Variants in GLI3 observed in about 807,000 individuals in gnomAD.
The protein encoded by GLI3 is transcription activator GLI3.
GLI3 carries 20 observed loss-of-function variants against 100.8 expected under a neutral mutation model. That is an observed-to-expected ratio of 0.20 (90% confidence interval 0.14 to 0.29). The LOEUF is 0.29. Among genes scored for constraint, GLI3 ranks in the 10% least tolerant of loss-of-function variants. The pLI is 1.00. For missense variants in GLI3, 2,040 were observed against 2,128.5 expected, an observed-to-expected ratio of 0.96 and a Z score of 0.82; for synonymous variants, 938 against 860.5, an observed-to-expected ratio of 1.09 and a Z score of -1.58.
chr7:41,978,992 T>G (rs1423777861), intron 10 of GLI3, among the ~76,000 whole-genome samples: 1 of 152,166 alleles, frequency 6.6e-6, no homozygotes, highest in Non-Finnish European at 1.5e-5. Flanking sequence ...AGCCTGGCAT[T>G]CCAGGAAATA....
At chr7:42,167,070 G>T (rs1172724939) in intron 2 of GLI3, among the ~76,000 whole-genome samples, 1 of 151,986 alleles carries the variant, frequency 6.6e-6, no homozygotes, top group African/African-American at 2.4e-5. Context: ...CAGGTGATCC[G>T]CCCACTTCGG....
In GLI3 at chr7:41,965,606, G is replaced by A. The variant is rs948927518; in HGVS notation, c.3467C>T (p.Thr1156Ile). 1.9e-6 allele frequency: 3 copies of A among 1,607,924 alleles called. No individual in the cohort carries two copies. Among genetic ancestry groups the A allele is most frequent in the Non-Finnish European group, 2.6e-6 (3 of 1,175,164 alleles). Residue 1156 changes from threonine (T) to isoleucine (I), a missense_variant, in exon 15 of 15, where the codon ACC becomes ATC. By Grantham distance (89) the Thr-to-Ile change is moderately conservative (BLOSUM62 -1). Transcript: ENST00000395925. Reference sequence around the variant, plus strand: ...TTCGTTCCACTGAATGGGCAGGTCGGTTTTGCTGCCCTCGGGGCAGGGCTG... The same window carrying A: ...TTCGTTCCACTGAATGGGCAGGTCGATTTTGCTGCCCTCGGGGCAGGGCTG... ...LEQPCPEGSK[T>I]DLPIQWNEVS...
intron 3 of GLI3, among the ~76,000 whole-genome samples, chr7:42,131,092 A>G (rs1313946701): frequency 2.0e-5 from 3 of 152,206 alleles, no homozygotes; most frequent in Non-Finnish European, 4.4e-5. Context: ...TTCTGCCTCC[A>G]CTGTTGTTGG....
chr7:42,245,845 G>C lies in GLI3; in HGVS notation c.-43+18149C>G, dbSNP rs6945383. 2.5e-3 allele frequency among the ~76,000 whole-genome samples: 371 copies of C among 149,936 alleles called. 2 individuals are homozygous for C. The highest frequency in any genetic ancestry group is 8.7e-3 in the African/African-American group (354 of 40,718). On this transcript the variant is annotated intron_variant, in intron 1 of 2. Coordinates refer to the GLI3 transcript ENST00000678978. Reference sequence around the variant, plus strand: ...CTTAGAGTAGTTCCAGGATAGGATCGCAACAAACATTTGTTAAATGAAAGA... The same window carrying C: ...CTTAGAGTAGTTCCAGGATAGGATCCCAACAAACATTTGTTAAATGAAAGA...
chr7:42,044,265 C>T (rs572412213), intron 6 of GLI3, among the ~76,000 whole-genome samples: 1 of 152,324 alleles, frequency 6.6e-6, no homozygotes, highest in South Asian at 2.1e-4. Flanking sequence ...AAACGCTAAG[C>T]AAAGGCCCTA....
chr7:42,071,217 G>T (rs1021939585), intron 4 of GLI3, among the ~76,000 whole-genome samples: 5 of 151,728 alleles, frequency 3.3e-5, no homozygotes, highest in East Asian at 1.9e-4. Flanking sequence ...TTTCTTTTTT[G>T]GGGGGGCGGT....
At chr7:41,991,353 G>T (rs9648516) in intron 10 of GLI3, among the ~76,000 whole-genome samples, 1 of 152,022 alleles carries the variant, frequency 6.6e-6, no homozygotes, top group African/African-American at 2.4e-5. Context: ...AAGCCCCTCC[G>T]CTTCGGCATG....
chr7:42,127,532 A>G (rs928608487), intron 3 of GLI3, among the ~76,000 whole-genome samples: 17 of 152,200 alleles, frequency 1.1e-4, no homozygotes, highest in African/African-American at 3.4e-4. Flanking sequence ...GCCAGTTTCT[A>G]TGAGGGAATA....
rs772316921 is a variant in GLI3, at chr7:42,223,228, G to A, written c.26C>T (p.Thr9Met). The A allele has an allele frequency of 6.8e-6, 11 of 1,613,152 alleles. No individual in the cohort carries two copies. The highest frequency in any genetic ancestry group is 3.3e-5 in the Admixed American group (2 of 59,978). Residue 9 changes from threonine (T) to methionine (M), a missense_variant, in exon 2 of 15, where the codon ACG becomes ATG. Thr to Met is a moderately conservative substitution (Grantham distance 81). Coordinates refer to ENST00000395925, the MANE Select transcript of GLI3 (RefSeq NM_000168.6). Reference sequence around the variant, plus strand: ...CTCAACTTTTTTCTTTTCAGTGGTCGTGGAGCTGTGGGACTGGGCCTCCAT... The same window carrying A: ...CTCAACTTTTTTCTTTTCAGTGGTCATGGAGCTGTGGGACTGGGCCTCCAT... Reference protein sequence around the residue: MEAQSHSSTTTEKKKVENS... With the variant: MEAQSHSSMTTEKKKVENS...
chr7:42,206,935 C>T (rs1003550514), intron 2 of GLI3, among the ~76,000 whole-genome samples: 1 of 151,914 alleles, frequency 6.6e-6, no homozygotes, highest in South Asian at 2.1e-4. Context: ...TCCAAACGGC[C>T]GATAAATATC....
At chr7:42,039,801 C>G (rs532297092) in intron 7 of GLI3, among the ~76,000 whole-genome samples, 1 of 152,306 alleles carries the variant, frequency 6.6e-6, no homozygotes, top group South Asian at 2.1e-4. Context: ...AACTCAATAA[C>G]TGCTATTTCT....
At chr7:42,221,516 G>T (rs1450659757) in intron 2 of GLI3, among the ~76,000 whole-genome samples, 1 of 151,890 alleles carries the variant, frequency 6.6e-6, no homozygotes, top group Non-Finnish European at 1.5e-5. Context: ...GCATACATTT[G>T]CCTACACTCA....
At chr7:42,065,470 A>G (rs1006177737) in intron 4 of GLI3, among the ~76,000 whole-genome samples, 1 of 152,148 alleles carries the variant, frequency 6.6e-6, no homozygotes. Context: ...GGTATAATGC[A>G]TTAAAGAATA....
intron 10 of GLI3, among the ~76,000 whole-genome samples, chr7:42,005,058 A>G (rs1005768187): frequency 2.0e-5 from 3 of 152,218 alleles, no homozygotes; most frequent in African/African-American, 7.2e-5. Flanking sequence ...GCACATACAT[A>G]TGATGAAAGC....
At position 42,223,282 on chromosome 7, in the gene GLI3, C is replaced by T. The variant is rs367998888; in HGVS notation, c.-29G>A. ...GTCTTCTCATTACTTCAGCTCTCTT[C>T]GACCAAAAATGCCCTAAAGAAAACA... On this transcript the variant is annotated 5_prime_UTR_variant, in exon 2 of 15. Coordinates refer to ENST00000395925, the MANE Select transcript of GLI3 (RefSeq NM_000168.6). 3.1e-6 allele frequency: 5 copies of T among 1,605,994 alleles called. No individual in the cohort carries two copies. The highest frequency in any genetic ancestry group is 3.3e-5 in the Admixed American group (2 of 59,824).
intron 10 of GLI3, among the ~76,000 whole-genome samples, chr7:41,991,535 A>T (rs768255944): frequency 3.9e-5 from 6 of 152,226 alleles, no homozygotes; most frequent in Non-Finnish European, 5.9e-5. Flanking sequence ...TACATGTTCT[A>T]TACCTAGATT....
chr7:41,989,757 G>A (rs1262709727), intron 10 of GLI3, among the ~76,000 whole-genome samples: 1 of 151,914 alleles, frequency 6.6e-6, no homozygotes, highest in Non-Finnish European at 1.5e-5. Context: ...TTTGGGCTGG[G>A]TGCAGTGGCT....
chr7:42,262,917 G>A (rs1463051916), intron 1 of GLI3, among the ~76,000 whole-genome samples: 1 of 151,462 alleles, frequency 6.6e-6, no homozygotes, highest in Non-Finnish European at 1.5e-5. Context: ...CCCAGACAGA[G>A]CAGTGCCTTG....
intron 6 of GLI3, among the ~76,000 whole-genome samples, chr7:42,041,267 C>T (rs776459688): frequency 2.6e-5 from 4 of 152,038 alleles, no homozygotes; most frequent in Admixed American, 6.6e-5. Context: ...AGTCCAAATC[C>T]GGAGGTGAGT....
Sources: allele counts gnomAD v4.1 joint callset (sites outside exome capture counted in the v4.1 genomes callset), GRCh38; gene constraint gnomAD v4.1.1; transcripts MANE v1.5; gene names NCBI Gene and HGNC (gene_info 2026-07-23, HGNC 2026-07-21).